Variants in COL5A2 observed in about 807,000 individuals in gnomAD.
COL5A2 encodes the protein collagen alpha-2(V) chain.
A neutral mutation model predicts 208.2 loss-of-function variants in COL5A2; 23 were observed. The ratio of observed to expected loss-of-function variants is 0.11; its 90% CI spans 0.08 to 0.16. COL5A2 has a LOEUF of 0.16. Among genes scored for constraint, COL5A2 ranks in the 10% least tolerant of loss-of-function variants. COL5A2 has a pLI of 1.00. For synonymous variants in COL5A2, 625 were observed against 628.5 expected (o/e 0.99, Z 0.08); for missense variants, 1,590 against 1,956.4 (o/e 0.81, Z 3.53).
chr2:189,119,570 AT>A (rs1687460299), intron 1 of COL5A2, among the ~76,000 whole-genome samples: 2 of 152,204 alleles, frequency 1.3e-5, no homozygotes, highest in South Asian at 2.1e-4. Context: ...TAAATTCTGA[AT>A]TTTATCATTA....
chr2:189,088,713 T>G lies in COL5A2; in HGVS notation c.627A>C (p.Gly209=). 6.2e-7 allele frequency: 1 copy of G among 1,613,944 alleles called. No individual in the cohort carries two copies. Among genetic ancestry groups the G allele is most frequent in the Non-Finnish European group, 8.5e-7 (1 of 1,179,860 alleles). The change falls in exon 8 of 54, where the codon GGA becomes GGC. Residue 209 remains glycine (G), a synonymous_variant. Transcript: ENST00000374866. ...TGCTTACCACAGAGCCAGGCATTAG[T>G]CCTACTTGACTCCCAAGTCCAGATT... ...DEKSGLGSQV[G]LMPGSVGPVG...
intron 7 of COL5A2, among the ~76,000 whole-genome samples, chr2:189,089,627 C>T (rs1686739496): frequency 6.6e-6 from 1 of 152,222 alleles, no homozygotes; most frequent in Middle Eastern, 3.4e-3. Context: ...CTTATGGCAA[C>T]CCTGCACCAA....
At chr2:189,104,303 T>C in intron 2 of COL5A2, 26 bp from the exon 3 acceptor site, 2 of 1,423,066 alleles carry the variant, frequency 1.4e-6, no homozygotes, top group Non-Finnish European at 2.0e-6. Context: ...AGTAAATGTG[T>C]TATTTTATGA....
At position 189,051,398 on chromosome 2, in the gene COL5A2, C is replaced by A; in HGVS notation, c.2853G>T (p.Gly951=). ...CAGCTGGTCCTCGATCTCCCACACG[C>A]CCATGAGAGCCAGGGTCCCCACGAA... ...PGLRGDPGSH[G]RVGDRGPAGP... Residue 951 remains glycine (G), a synonymous_variant, in exon 42 of 54, where the codon GGG becomes GGT. Coordinates refer to ENST00000374866, the MANE Select transcript of COL5A2 (RefSeq NM_000393.5). 2 of 1,614,060 alleles carry A rather than the reference C, an allele frequency of 1.2e-6. No homozygotes were observed. Among genetic ancestry groups the A allele is most frequent in the Non-Finnish European group, 1.7e-6 (2 of 1,179,964 alleles).
chr2:189,261,702 A>T, the COL5A2 span, among the ~76,000 whole-genome samples: 412 of 152,344 alleles, frequency 2.7e-3, 3 homozygotes, highest in African/African-American at 9.4e-3. Context: ...AATTTGGGGT[A>T]GAGTGTAATG....
the COL5A2 span, among the ~76,000 whole-genome samples, chr2:189,404,077 T>A: frequency 6.6e-6 from 1 of 152,192 alleles, no homozygotes; most frequent in African/African-American, 2.4e-5. Context: ...GAGCTACCCA[T>A]AATAATCTCT....
intron 1 of COL5A2, among the ~76,000 whole-genome samples, chr2:189,163,444 A>G (rs1045630249): frequency 6.6e-6 from 1 of 152,232 alleles, no homozygotes; most frequent in African/African-American, 2.4e-5. Flanking sequence ...GAAAAATTTG[A>G]TATCAGATTA....
intron 1 of COL5A2, among the ~76,000 whole-genome samples, chr2:189,115,955 C>A (rs1262861820): frequency 1.3e-5 from 2 of 152,134 alleles, no homozygotes; most frequent in Non-Finnish European, 2.9e-5. Flanking sequence ...CCAGGTGTGT[C>A]CCTGACATTC....
chr2:189,299,678 T>TTAAA, the COL5A2 span, among the ~76,000 whole-genome samples: 7 of 152,326 alleles, frequency 4.6e-5, no homozygotes, highest in African/African-American at 1.4e-4. Context: ...CCTGGGCTGA[T>TTAAA]GTTTAATGAA....
chr2:189,041,819 GATTA>G, intron 49 of COL5A2, 126 bp from the exon 50 acceptor site: 1 of 654,028 alleles, frequency 1.5e-6, no homozygotes, highest in African/African-American at 1.8e-5. Context: ...TTTTCTTACT[GATTA>G]ATAAATGAAC....
At chr2:189,100,639 T>C (rs1687029781) in intron 3 of COL5A2, among the ~76,000 whole-genome samples, 1 of 151,656 alleles carries the variant, frequency 6.6e-6, no homozygotes, top group Non-Finnish European at 1.5e-5. Context: ...TTAGTACTCA[T>C]GGAAGGGCAT....
the COL5A2 span, among the ~76,000 whole-genome samples, chr2:189,380,404 G>A: frequency 6.6e-6 from 1 of 151,824 alleles, no homozygotes; most frequent in East Asian, 1.9e-4. Context: ...TTATAAAAAT[G>A]TAAAGCTAAA....
At chr2:189,189,001 A>G (rs1688890824) in intron 1 of COL5A2, among the ~76,000 whole-genome samples, 1 of 152,192 alleles carries the variant, frequency 6.6e-6, no homozygotes, top group African/African-American at 2.4e-5. Context: ...TGTTTTGCAG[A>G]TTTATAGAAT....
chr2:189,236,551 G>A, the COL5A2 span, among the ~76,000 whole-genome samples: 1 of 151,774 alleles, frequency 6.6e-6, no homozygotes, highest in African/African-American at 2.4e-5. Context: ...ATTTTAGCCA[G>A]TCTGGTGGGT....
At chr2:189,035,799 G>A (rs910777445) in intron 52 of COL5A2, among the ~76,000 whole-genome samples, 6 of 152,048 alleles carry the variant, frequency 3.9e-5, no homozygotes, top group Admixed American at 1.3e-4. Flanking sequence ...TATTCTGAAC[G>A]TGATTTCTAG....
Position 189,068,279 on chromosome 2 carries a change from T to C in COL5A2, c.1258-9A>G, listed in dbSNP as rs528916618. ...TCAGTTCCTATTGCACCCTAAAAGG[T>C]ACATTAAAAGTATGTAATGAAATAT... On this transcript the variant is annotated splice_polypyrimidine_tract_variant and intron_variant, in intron 19 of 53. Transcript: ENST00000374866. 1.2e-6 allele frequency: 2 copies of C among 1,609,200 alleles called. No individual in the cohort carries two copies. The highest frequency in any genetic ancestry group is 1.7e-6 in the Non-Finnish European group (2 of 1,175,860).
the COL5A2 span, among the ~76,000 whole-genome samples, chr2:189,248,187 G>C: frequency 0.066 from 10,112 of 152,162 alleles, 461 homozygotes; most frequent in Middle Eastern, 0.12. Flanking sequence ...GCTTTTTTCA[G>C]TGTCACAAAT....
chr2:189,264,464 G>A, the COL5A2 span, among the ~76,000 whole-genome samples: 3 of 152,120 alleles, frequency 2.0e-5, no homozygotes, highest in Non-Finnish European at 4.4e-5. Context: ...CATGTATACT[G>A]TTTGATTATA....
intron 20 of COL5A2, 37 bp from the exon 21 acceptor site, chr2:189,068,150 A>T (rs1184082909): frequency 6.2e-7 from 1 of 1,603,978 alleles, no homozygotes; most frequent in Non-Finnish European, 8.5e-7. Context: ...AAGTAGAGAC[A>T]CAGGTAGCAG....
Sources: gnomAD v4.1 joint callset for allele counts (sites outside exome capture counted in the v4.1 genomes callset) on GRCh38, gnomAD v4.1.1 for gene constraint, MANE v1.5 for transcripts, NCBI Gene and HGNC (gene_info 2026-07-23, HGNC 2026-07-21) for gene names.